Variants in MSH3 observed in about 807,000 individuals in gnomAD.
MSH3 encodes DNA mismatch repair protein Msh3.
A neutral mutation model predicts 123.3 loss-of-function variants in MSH3; 106 were observed. The ratio of observed to expected loss-of-function variants is 0.86; its 90% confidence interval spans 0.73 to 1.01. The LOEUF is 1.01. Ranked by LOEUF, MSH3 falls within the 50% of genes least tolerant of loss-of-function variation. The pLI is 0.00. For synonymous variants in MSH3, 515 were observed against 481.4 expected (o/e 1.07, Z -0.91); for missense variants, 1,459 against 1,347.6 (o/e 1.08, Z -1.29).
At chr5:80,794,234 G>C in intron 19 of MSH3, among the ~76,000 whole-genome samples, 1 of 152,174 alleles carries the variant, frequency 6.6e-6, no homozygotes, top group African/African-American at 2.4e-5. Flanking sequence ...CTGGCTGCCT[G>C]TCACCAAATT....
chr5:80,725,119 CA>C (rs1743256588), intron 8 of MSH3, among the ~76,000 whole-genome samples: 1 of 147,156 alleles, frequency 6.8e-6, no homozygotes. Flanking sequence ...GAGGCTGAGG[CA>C]GGAGAATGAT....
intron 20 of MSH3, among the ~76,000 whole-genome samples, chr5:80,816,056 G>C (rs1745097877): frequency 6.6e-6 from 1 of 152,188 alleles, no homozygotes; most frequent in African/African-American, 2.4e-5. Context: ...CTGATTTCAA[G>C]AAATTGGAGT....
intron 2 of MSH3, among the ~76,000 whole-genome samples, chr5:80,661,646 A>C (rs1156990278): frequency 6.6e-6 from 1 of 152,120 alleles, no homozygotes; most frequent in Non-Finnish European, 1.5e-5. Context: ...TCTTGTTCTT[A>C]TATGCTAATT....
chr5:80,727,927 A>T lies in MSH3; in HGVS notation c.1454-924A>T, dbSNP rs1032048489. 3.9e-5 allele frequency among the ~76,000 whole-genome samples: 6 copies of T among 152,136 alleles called. No homozygotes were observed. The East Asian group carries it at 1.2e-3, about 29-fold the overall frequency. On this transcript the variant is annotated intron_variant, in intron 9 of 23. Coordinates refer to ENST00000265081, the MANE Select transcript of MSH3 (RefSeq NM_002439.5). Reference sequence around the variant, plus strand: ...ACTGAAGGAGTTAAGGAAAAGAGCCATATAGACATATGAAGGAACAGTATT... The same window carrying T: ...ACTGAAGGAGTTAAGGAAAAGAGCCTTATAGACATATGAAGGAACAGTATT...
intron 19 of MSH3, among the ~76,000 whole-genome samples, chr5:80,807,437 G>T (rs1744910670): frequency 6.6e-6 from 1 of 152,082 alleles, no homozygotes; most frequent in Non-Finnish European, 1.5e-5. Context: ...AAGATTATTG[G>T]ATACACAATT....
At chr5:80,823,723 A>G (rs1360885429) in intron 20 of MSH3, among the ~76,000 whole-genome samples, 2 of 151,462 alleles carry the variant, frequency 1.3e-5, no homozygotes, top group African/African-American at 4.9e-5. Flanking sequence ...TTTATTGATC[A>G]TTCTTGGGTG....
intron 20 of MSH3, among the ~76,000 whole-genome samples, chr5:80,845,116 C>G (rs1745697586): frequency 6.6e-6 from 1 of 152,112 alleles, no homozygotes; most frequent in Non-Finnish European, 1.5e-5. Context: ...AATCTCTCAG[C>G]ATTTGGTTGT....
Position 80,793,392 on chromosome 5 carries a change from T to A in MSH3, c.2655+548T>A, listed in dbSNP as rs139528024. ...AGACTAGTAAGCAAGACAGAACTCT[T>A]CCCTGCCCTCACAGAGCTTGTTGTA... On this transcript the variant is annotated intron_variant, in intron 19 of 23. Transcript: ENST00000265081. 2.7e-3 allele frequency among the ~76,000 whole-genome samples: 413 copies of A among 152,320 alleles called. 4 individuals are homozygous for A. Among genetic ancestry groups the A allele is most frequent in the African/African-American group, 9.5e-3 (396 of 41,570 alleles).
intron 19 of MSH3, among the ~76,000 whole-genome samples, chr5:80,801,868 C>G (rs6151871): frequency 0.065 from 9,881 of 152,270 alleles, 429 homozygotes; most frequent in Non-Finnish European, 0.091. Flanking sequence ...AGAGTCCACA[C>G]TAGAAACCAC....
chr5:80,679,094 G>T lies in MSH3; in HGVS notation c.1340+1G>T. The T allele has an allele frequency of 6.2e-7, 1 of 1,613,794 alleles. No homozygotes were observed. ...TCATCCACAGAGCCACATCTGTTAG[G>T]TAAGTTGGCACATCACTGGAATATA... is the stretch of plus-strand genomic sequence containing the variant. On this transcript the variant is annotated splice_donor_variant, in intron 8 of 23. Transcript: ENST00000265081. LOFTEE classifies it high-confidence loss of function.
At chr5:80,655,157 C>G (rs1749236030) in intron 1 of MSH3, 193 bp downstream of exon 1, 3 of 473,482 alleles carry the variant, frequency 6.3e-6, no homozygotes, top group Non-Finnish European at 1.1e-5. Flanking sequence ...TTAGTACTTC[C>G]GTTTGAGGAG....
intron 2 of MSH3, among the ~76,000 whole-genome samples, chr5:80,657,364 C>T (rs1025969942): frequency 6.6e-6 from 1 of 152,120 alleles, no homozygotes; most frequent in Non-Finnish European, 1.5e-5. Context: ...TCACTTGAGC[C>T]CAGGAGGCGG....
At chr5:80,704,354 C>G (rs1387123241) in intron 8 of MSH3, among the ~76,000 whole-genome samples, 1 of 152,218 alleles carries the variant, frequency 6.6e-6, no homozygotes, top group African/African-American at 2.4e-5. Flanking sequence ...GTCTTCACCT[C>G]CACCAGTCCT....
At chr5:80,788,480 G>T (rs537656011) in intron 18 of MSH3, among the ~76,000 whole-genome samples, 1 of 151,482 alleles carries the variant, frequency 6.6e-6, no homozygotes, top group Non-Finnish European at 1.5e-5. Context: ...TTTCATACAA[G>T]TTGTATGTCT....
At chr5:80,774,638 A>AT (rs1744268713) in intron 15 of MSH3, among the ~76,000 whole-genome samples, 1 of 152,208 alleles carries the variant, frequency 6.6e-6, no homozygotes, top group Non-Finnish European at 1.5e-5. Context: ...CATAAAAAAG[A>AT]ATGAGATCCT....
chr5:80,842,248 T>C (rs1051924849), intron 20 of MSH3, among the ~76,000 whole-genome samples: 3 of 152,340 alleles, frequency 2.0e-5, no homozygotes, highest in Admixed American at 6.5e-5. Context: ...GCCTCTGTTC[T>C]ATTCCATTGG....
At chr5:80,717,665 C>T (rs896607447) in intron 8 of MSH3, among the ~76,000 whole-genome samples, 2 of 152,172 alleles carry the variant, frequency 1.3e-5, no homozygotes, top group African/African-American at 2.4e-5. Flanking sequence ...TGTGTCCTGA[C>T]CAACACTTTT....
At chr5:80,786,838 A>C (rs1744517992) in intron 17 of MSH3, among the ~76,000 whole-genome samples, 1 of 152,226 alleles carries the variant, frequency 6.6e-6, no homozygotes, top group Non-Finnish European at 1.5e-5. Context: ...TTTCTGAATA[A>C]GTTTTTCATT....
At chr5:80,671,810 A>G (rs929380939) in intron 4 of MSH3, among the ~76,000 whole-genome samples, 2 of 152,054 alleles carry the variant, frequency 1.3e-5, no homozygotes, top group Non-Finnish European at 1.5e-5. Context: ...TTCTCTTTTT[A>G]CTTTTTCAAT....
Sources: allele counts gnomAD v4.1 joint callset (sites outside exome capture counted in the v4.1 genomes callset), GRCh38; gene constraint gnomAD v4.1.1; transcripts MANE v1.5; gene names NCBI Gene and HGNC (gene_info 2026-07-23, HGNC 2026-07-21).